UBN2: variants seen among roughly 807,000 people sequenced by gnomAD.
UBN2 encodes ubinuclein-2.
In UBN2, 35 loss-of-function variants were observed where a neutral mutation model predicts 120.2. The observed-to-expected ratio is 0.29, with a 90% CI of 0.22 to 0.39. The LOEUF (loss-of-function observed/expected upper bound fraction) is 0.39. Ranked by LOEUF, UBN2 falls within the 10% of genes least tolerant of loss-of-function variation. The pLI, the probability that UBN2 is intolerant of heterozygous loss-of-function variation, is 1.00. For missense variants in UBN2, 1,693 were observed against 1,663.2 expected, an observed-to-expected ratio of 1.02 and a Z score of -0.31; for synonymous variants, 661 against 648.7, an observed-to-expected ratio of 1.02 and a Z score of -0.29.
chr7:139,291,308 C>G (rs1194606229), intron 15 of UBN2, among the ~76,000 whole-genome samples: 1 of 145,524 alleles, frequency 6.9e-6, no homozygotes, highest in Non-Finnish European at 1.5e-5. Flanking sequence ...TTGCAGTGAG[C>G]CAAGATCGCA....
the UBN2 span, among the ~76,000 whole-genome samples, chr7:139,323,782 G>T: frequency 6.6e-6 from 1 of 152,016 alleles, no homozygotes; most frequent in South Asian, 2.1e-4. Context: ...TAGAGTTGGG[G>T]TTTCACCATG....
At chr7:139,241,372 C>G (rs1455903123) in intron 2 of UBN2, among the ~76,000 whole-genome samples, 2 of 152,208 alleles carry the variant, frequency 1.3e-5, no homozygotes, top group African/African-American at 4.8e-5. Context: ...CTGAATGACT[C>G]TCTGAATAGG....
chr7:139,272,821 C>A (rs1453503618), intron 9 of UBN2, among the ~76,000 whole-genome samples: 1 of 152,218 alleles, frequency 6.6e-6, no homozygotes. Context: ...GCCACTGCAC[C>A]TGGACGTGCA....
rs367901123 is a variant in UBN2, at chr7:139,283,251, G to A, written c.2346G>A (p.Lys782=). The change falls in exon 15 of 18, where the codon AAG becomes AAA. Residue 782 remains lysine (K), a synonymous_variant. Transcript: ENST00000473989. ...EALAVINNGN[K]GPPVGSRISM... ...TAGCGGTTATCAACAATGGGAACAA[G>A]GGCCCTCCAGTTGGCTCAAGGATAA... 17 of 1,613,352 alleles carry A rather than the reference G, an allele frequency of 1.1e-5. No individual in the cohort carries two copies. The highest frequency in any genetic ancestry group is 1.4e-5 in the Non-Finnish European group (16 of 1,179,958).
Position 139,269,514 on chromosome 7 carries a change from C to G in UBN2, c.1587C>G (p.Leu529=). The change falls in exon 8 of 18, where the codon CTC becomes CTG. Residue 529 remains leucine, a synonymous_variant. Coordinates refer to ENST00000473989, the MANE Select transcript of UBN2 (RefSeq NM_173569.4). The part of the protein sequence containing the change: ...TLVKRLKKLH[L]NVQDDRLREP... ...TAAAACGTCTGAAGAAGTTACATCT[C>G]AATGTCCAGGTAAGAGGAAGAACAA... 6.2e-7 allele frequency: 1 copy of G among 1,613,972 alleles called. No homozygotes were observed.
intron 3 of UBN2, among the ~76,000 whole-genome samples, chr7:139,257,593 T>C (rs1022186522): frequency 6.6e-6 from 1 of 151,920 alleles, no homozygotes; most frequent in African/African-American, 2.4e-5. Context: ...TGTGTGTGTA[T>C]TTTTAGTAGA....
chr7:139,269,655 T>C (rs897017987), intron 8 of UBN2, 132 bp downstream of exon 8: 4 of 979,786 alleles, frequency 4.1e-6, no homozygotes, highest in Non-Finnish European at 5.8e-6. Context: ...TAGGAGGTTA[T>C]TAAAAGTATG....
At chr7:139,282,791 C>T (rs999969759) in intron 14 of UBN2, among the ~76,000 whole-genome samples, 2 of 152,064 alleles carry the variant, frequency 1.3e-5, no homozygotes, top group Admixed American at 6.6e-5. Context: ...ATGTTCCTTC[C>T]ACTTGGTGTT....
chr7:139,262,193 A>G (rs12333522), intron 6 of UBN2, among the ~76,000 whole-genome samples: 13,938 of 152,028 alleles, frequency 0.092, 1,130 homozygotes, highest in Admixed American at 0.21. Context: ...TCTGCCTATT[A>G]GGTTCAAGAG....
chr7:139,252,591 G>A (rs1040986278), intron 3 of UBN2, among the ~76,000 whole-genome samples: 1 of 152,030 alleles, frequency 6.6e-6, no homozygotes, highest in Non-Finnish European at 1.5e-5. Flanking sequence ...AAACAAGCCG[G>A]TGGGCTGGAT....
rs1288114155 is a variant in UBN2 at position 139,258,525 on chromosome 7, A to G, written c.701A>G (p.Tyr234Cys). 1.2e-6 allele frequency: 2 copies of G among 1,602,558 alleles called. No homozygotes were observed. The highest frequency in any genetic ancestry group is 1.7e-6 in the Non-Finnish European group (2 of 1,173,818). ...GTTCCCGCTTCTCTAACAACAAAAT[A>G]TGGAGGCTTTTATATCAACACTGGC... ...ELVPASLTTKYGGFYINTGTL... is the reference protein window; with the variant it reads ...ELVPASLTTKCGGFYINTGTL... The change falls in exon 4 of 18, where the codon TAT (tyrosine) becomes TGT (cysteine). Residue 234 changes from tyrosine to cysteine, a missense_variant. Tyr to Cys is a radical substitution (Grantham distance 194, BLOSUM62 -2). Coordinates refer to ENST00000473989, the MANE Select transcript of UBN2 (RefSeq NM_173569.4).
At chr7:139,309,166 A>T (rs894555711), downstream of UBN2, among the ~76,000 whole-genome samples, 15 of 152,272 alleles carry the variant, frequency 9.9e-5, no homozygotes, top group Non-Finnish European at 2.1e-4. Flanking sequence ...TGTGATCTGC[A>T]TAGAAAATAT....
At chr7:139,236,891 A>G in intron 1 of UBN2, 114 bp from the exon 2 acceptor site, 1 of 521,280 alleles carries the variant, frequency 1.9e-6, no homozygotes, top group African/African-American at 1.9e-5. Flanking sequence ...TTCAGATCAC[A>G]TTTATTGAAA....
chr7:139,254,161 C>T (rs1420092984), intron 3 of UBN2, among the ~76,000 whole-genome samples: 2 of 151,976 alleles, frequency 1.3e-5, no homozygotes, highest in Non-Finnish European at 2.9e-5. Flanking sequence ...GGCGTGGTGG[C>T]GGGCGCCTGT....
At chr7:139,285,050 ATTTATCT>A (rs1407296907) in intron 15 of UBN2, among the ~76,000 whole-genome samples, 1 of 151,982 alleles carries the variant, frequency 6.6e-6, no homozygotes, top group Non-Finnish European at 1.5e-5. Flanking sequence ...TTTTTAAATC[ATTTATCT>A]TCTCGAAATT....
intron 13 of UBN2, among the ~76,000 whole-genome samples, chr7:139,280,492 CTT>C (rs1158479483): frequency 6.6e-6 from 1 of 152,024 alleles, no homozygotes; most frequent in African/African-American, 2.4e-5. Context: ...GCCTTTGTCT[CTT>C]TGGTTTTTGT....
chr7:139,247,778 A>G (rs1009702231), intron 2 of UBN2, among the ~76,000 whole-genome samples: 1 of 152,030 alleles, frequency 6.6e-6, no homozygotes, highest in African/African-American at 2.4e-5. Context: ...TCCCCATACT[A>G]GTAGTCAGAG....
chr7:139,291,992 A>G (rs560457107), intron 15 of UBN2, among the ~76,000 whole-genome samples: 68 of 152,330 alleles, frequency 4.5e-4, no homozygotes, highest in East Asian at 3.9e-4. Context: ...CTCACACTAT[A>G]ATTCTAGCAC....
rs774545909 is a variant in UBN2 at position 139,231,874 on chromosome 7, G to A, written c.390G>A (p.Glu130=). The change falls in exon 1 of 18, where the codon GAG becomes GAA. Residue 130 remains glutamate, a synonymous_variant. Coordinates refer to ENST00000473989, the MANE Select transcript of UBN2 (RefSeq NM_173569.4). Reference sequence around the variant, plus strand: ...CGCCGAGGGAGACGGTGCGCCTGGAGCTGGTGCTTAAGGACCCCACCGACG... The same window carrying A: ...CGCCGAGGGAGACGGTGCGCCTGGAACTGGTGCTTAAGGACCCCACCGACG... ...PRPPRETVRL[E]LVLKDPTDES... 11 of 1,575,322 alleles carry A rather than the reference G, an allele frequency of 7.0e-6. No homozygotes were observed. The highest frequency in any genetic ancestry group is 5.2e-5 in the Admixed American group (3 of 57,970).
Sources: allele counts gnomAD v4.1 joint callset (sites outside exome capture counted in the v4.1 genomes callset), GRCh38; gene constraint gnomAD v4.1.1; transcripts MANE v1.5; gene names NCBI Gene and HGNC (gene_info 2026-07-23, HGNC 2026-07-21).